Variants in MAEL observed in about 807,000 individuals in gnomAD.
MAEL encodes maelstrom spermatogenic transposon silencer, also known as protein maelstrom homolog.
A neutral mutation model predicts 62.0 loss-of-function variants in MAEL; 46 were observed. That is an observed-to-expected ratio of 0.74 (90% CI 0.59 to 0.95). The LOEUF (loss-of-function observed/expected upper bound fraction) is 0.95, where lower values mean the gene tolerates loss of function less well. Ranked by LOEUF, MAEL falls within the 40% of genes least tolerant of loss-of-function variation. MAEL has a pLI of 0.00. For missense variants in MAEL, 497 were observed against 526.8 expected, an observed-to-expected ratio of 0.94 and a Z score of 0.55; for synonymous variants, 172 against 175.5, an observed-to-expected ratio of 0.98 and a Z score of 0.16.
At chr1:166,976,558 A>G (rs951151084) in intron 1 of MAEL, among the ~76,000 whole-genome samples, 2 of 152,186 alleles carry the variant, frequency 1.3e-5, no homozygotes, top group African/African-American at 4.8e-5. Context: ...GGGCACCACG[A>G]TAAAGGAGGG....
At chr1:167,001,815 T>TC (rs1373089207) in intron 5 of MAEL, among the ~76,000 whole-genome samples, 1 of 152,228 alleles carries the variant, frequency 6.6e-6, no homozygotes, top group East Asian at 1.9e-4. Context: ...AGAGTCTCAC[T>TC]CCATCACCCA....
At chr1:166,993,940 G>A (rs1380904771) in intron 4 of MAEL, 88 bp from the exon 5 acceptor site, 18 of 923,652 alleles carry the variant, frequency 1.9e-5, no homozygotes, top group Non-Finnish European at 2.8e-5. Context: ...ACCTTTCTGT[G>A]TGATAACTTG....
intron 8 of MAEL, among the ~76,000 whole-genome samples, chr1:167,008,735 G>A (rs776192719): frequency 5.3e-4 from 80 of 151,956 alleles, no homozygotes; most frequent in South Asian, 6.2e-4. Context: ...ATGAATTTAC[G>A]TAGATTATTG....
At chr1:166,981,008 T>G (rs1238609185) in intron 1 of MAEL, among the ~76,000 whole-genome samples, 1 of 152,088 alleles carries the variant, frequency 6.6e-6, no homozygotes, top group African/African-American at 2.4e-5. Context: ...AACAAATATG[T>G]CATCTGATGA....
chr1:166,997,073 G>T (rs535569623), intron 5 of MAEL, among the ~76,000 whole-genome samples: 8 of 152,150 alleles, frequency 5.3e-5, no homozygotes, highest in Non-Finnish European at 1.2e-4. Flanking sequence ...TGATCTGCCC[G>T]CCTCGGTCTC....
At chr1:167,004,402 T>A in intron 6 of MAEL, 98 bp downstream of exon 6, 1 of 1,132,688 alleles carries the variant, frequency 8.8e-7, no homozygotes, top group African/African-American at 1.6e-5. Flanking sequence ...TGTCTGTATA[T>A]TGTGTGTCTT....
Position 167,006,608 on chromosome 1 carries a change from T to TATATATATATATATATATATAC in MAEL, c.845+1232_845+1233insCATATATATATATATATATATA, listed in dbSNP as rs1664911385. ...AAAGTTACTGGTTTTTTACTATATA[T>TATATATATATATATATATATAC]ATATATATATATATATATATATATA... On this transcript the variant is annotated intron_variant, in intron 8 of 11. Transcript: ENST00000367872. Among the ~76,000 whole-genome samples the TATATATATATATATATATATAC allele has an allele frequency of 2.0e-4, 13 of 65,170 alleles. 1 individual carries two copies. The allele number at this position is 65,170 out of a possible 152,430, so 42.8% of individuals were successfully genotyped here.
In MAEL at chr1:167,005,268, A is replaced by T; in HGVS notation, c.716A>T (p.Asp239Val). Residue 239 changes from aspartate (D) to valine (V), a missense_variant, in exon 8 of 12, where the codon GAT becomes GTT. By Grantham distance (152) the Asp-to-Val change is radical. Coordinates refer to ENST00000367872, the MANE Select transcript of MAEL (RefSeq NM_032858.3). ...HMAKASEIRQDLQLLTVEDLV... is the reference protein window; with the variant it reads ...HMAKASEIRQVLQLLTVEDLV... Reference sequence around the variant, plus strand: ...TTACTAATGGAAGAAATCAGGCAAGATCTACAACTTCTCACTGTAGAGGAC... The same window carrying T: ...TTACTAATGGAAGAAATCAGGCAAGTTCTACAACTTCTCACTGTAGAGGAC... The T allele has an allele frequency of 3.1e-6, 5 of 1,613,256 alleles. No individual in the cohort carries two copies. The highest frequency in any genetic ancestry group is 4.2e-6 in the Non-Finnish European group (5 of 1,179,672).
chr1:167,001,446 CAA>C (rs1362214342), intron 5 of MAEL, among the ~76,000 whole-genome samples: 1 of 152,114 alleles, frequency 6.6e-6, no homozygotes, highest in Admixed American at 6.5e-5. Flanking sequence ...CTTTCGCCAG[CAA>C]AAAGATTGTT....
chr1:167,008,760 A>G (rs748926297), intron 8 of MAEL, among the ~76,000 whole-genome samples: 7 of 152,062 alleles, frequency 4.6e-5, no homozygotes, highest in Non-Finnish European at 8.8e-5. Context: ...CAATATTTTC[A>G]TTGCCATTTT....
chr1:166,994,070 G>C lies in MAEL; in HGVS notation c.523+1G>C. 3 of 1,612,954 alleles carry C rather than the reference G, an allele frequency of 1.9e-6. No individual in the cohort carries two copies. The highest frequency in any genetic ancestry group is 1.7e-5 in the Admixed American group (1 of 59,962). ...TTTCGATTTCATTGTCAGGCTGCAA[G>C]TAAGTATAAAGGAATGGGGTAGGAT... On this transcript the variant is annotated splice_donor_variant, in intron 5 of 11. Coordinates refer to ENST00000367872, the MANE Select transcript of MAEL (RefSeq NM_032858.3). LOFTEE classifies it high-confidence loss of function.
At chr1:167,001,365 C>CT (rs1377124103) in intron 5 of MAEL, among the ~76,000 whole-genome samples, 1 of 152,168 alleles carries the variant, frequency 6.6e-6, no homozygotes, top group Non-Finnish European at 1.5e-5. Context: ...CACTAAAGAA[C>CT]TTACTCGTGT....
chr1:167,020,962 A>T, intron 10 of MAEL, 123 bp from the exon 11 acceptor site: 1 of 756,984 alleles, frequency 1.3e-6, no homozygotes, highest in Non-Finnish European at 2.3e-6. Flanking sequence ...TTGATAAGAC[A>T]TTGGAAAAGT....
intron 10 of MAEL, among the ~76,000 whole-genome samples, chr1:167,019,444 C>A (rs1353322312): frequency 6.6e-6 from 1 of 152,218 alleles, no homozygotes; most frequent in South Asian, 2.1e-4. Flanking sequence ...TTTGGCTGGT[C>A]CTATTTCCCA....
Position 167,016,208 on chromosome 1 carries a change from A to G in MAEL, c.846-14A>G, listed in dbSNP as rs746376906. 15 of 1,612,654 alleles carry G rather than the reference A, an allele frequency of 9.3e-6. No homozygotes were observed. Among genetic ancestry groups the G allele is most frequent in the Non-Finnish European group, 1.3e-5 (15 of 1,178,864 alleles). On this transcript the variant is annotated splice_polypyrimidine_tract_variant and intron_variant, in intron 8 of 11. Coordinates refer to ENST00000367872, the MANE Select transcript of MAEL (RefSeq NM_032858.3). ...TACTTCAGTTAGGATATTAAAGTCC[A>G]TTTTTTTGTACAGGTGCAAGTGGCA...
At chr1:166,989,947 G>A (rs1664093257) in intron 2 of MAEL, 118 bp downstream of exon 2, 1 of 765,808 alleles carries the variant, frequency 1.3e-6, no homozygotes, top group Non-Finnish European at 2.1e-6. Context: ...CGGTTAGTGC[G>A]AAGACGACGT....
upstream of MAEL, chr1:166,989,078 A>G: frequency 2.3e-6 from 1 of 438,722 alleles, no homozygotes; most frequent in East Asian, 4.0e-5. Context: ...CCACGTGACA[A>G]TGCCTCCGCC....
intron 2 of MAEL, chr1:166,990,206 G>A (rs1571241603): frequency 6.6e-6 from 1 of 150,538 alleles, no homozygotes; most frequent in Middle Eastern, 3.4e-3. Context: ...GGTGGGCAGT[G>A]GGGGCTTAAA....
rs187047607 is a variant in MAEL at position 167,022,106 on chromosome 1, A to G, written c.*251A>G. 6.9e-5 allele frequency: 25 copies of G among 363,094 alleles called. No individual in the cohort carries two copies. The highest frequency in any genetic ancestry group is 3.9e-4 in the African/African-American group (19 of 48,236). 22.5% of individuals were successfully genotyped at this position (363,094 alleles called of 1,614,324 possible). ...ATATCATTAAAGTTTGGAGTCCTAT[A>G]TGAACAAAACTGACATTTTTAGAGT... On this transcript the variant is annotated 3_prime_UTR_variant, in exon 12 of 12. Transcript: ENST00000367872.
Sources: allele counts gnomAD v4.1 joint callset (sites outside exome capture counted in the v4.1 genomes callset), GRCh38; gene constraint gnomAD v4.1.1; transcripts MANE v1.5; gene names NCBI Gene and HGNC (gene_info 2026-07-23, HGNC 2026-07-21).